The following KALRN variants were observed in gnomAD, a reference collection of about 807,000 sequenced individuals.
KALRN encodes the protein kalirin.
Under a neutral mutation model 353.7 loss-of-function variants are expected in KALRN, and 70 were observed. The ratio of observed to expected loss-of-function variants is 0.20; its 90% CI spans 0.16 to 0.24. The LOEUF (loss-of-function observed/expected upper bound fraction) is 0.24, where lower values mean the gene tolerates loss of function less well. KALRN is among the 10% of genes least tolerant of loss of function. The pLI is 1.00. For missense variants in KALRN, 2,791 were observed against 3,756.7 expected, an observed-to-expected ratio of 0.74 and a Z score of 6.72; for synonymous variants, 1,391 against 1,434.8, an observed-to-expected ratio of 0.97 and a Z score of 0.69.
intron 3 of KALRN, among the ~76,000 whole-genome samples, chr3:124,262,137 A>G (rs2148866751): frequency 6.6e-6 from 1 of 152,286 alleles, no homozygotes. Context: ...ATGTAAGTTG[A>G]CATACCTTTC....
intron 1 of KALRN, among the ~76,000 whole-genome samples, chr3:124,222,731 G>A (rs1412482689): frequency 1.3e-5 from 2 of 151,990 alleles, no homozygotes; most frequent in African/African-American, 4.8e-5. Flanking sequence ...CCTCCCGAGT[G>A]GCTGGGACTA....
At chr3:124,212,459 G>C (rs1362516311) in intron 1 of KALRN, among the ~76,000 whole-genome samples, 1 of 152,092 alleles carries the variant, frequency 6.6e-6, no homozygotes, top group Non-Finnish European at 1.5e-5. Flanking sequence ...AATACAAATT[G>C]TAATGGCTGA....
At chr3:124,417,793 A>C (rs544464837) in intron 14 of KALRN, among the ~76,000 whole-genome samples, 6 of 152,334 alleles carry the variant, frequency 3.9e-5, no homozygotes, top group African/African-American at 1.2e-4. Context: ...AATCCTTACC[A>C]CATAGGGTCA....
intron 1 of KALRN, among the ~76,000 whole-genome samples, chr3:124,170,954 T>A (rs1377852653): frequency 1.4e-5 from 2 of 145,184 alleles, no homozygotes; most frequent in African/African-American, 5.1e-5. Context: ...GCTGGGATTA[T>A]AAGTGTGTGC....
intron 6 of KALRN, among the ~76,000 whole-genome samples, chr3:124,325,206 A>G (rs569961370): frequency 1.3e-5 from 2 of 152,356 alleles, no homozygotes; most frequent in East Asian, 3.9e-4. Flanking sequence ...AACAAAACAC[A>G]AGATGACAGG....
At position 124,506,466 on chromosome 3, in the gene KALRN, T is replaced by C. The variant is rs149774460; in HGVS notation, c.4935+10053T>C. 2.6e-3 allele frequency among the ~76,000 whole-genome samples: 389 copies of C among 152,238 alleles called. 7 individuals carry two copies. In the East Asian group the frequency reaches 0.049, roughly 19 times the overall value. On this transcript the variant is annotated intron_variant, in intron 33 of 59. Transcript: ENST00000682506. ...TGTTCAGAATGTTCAGATAGTCTAA[T>C]TTTTTTTTCTTTAAGAATTCTAGTT...
At chr3:124,663,838 G>C (rs993991141) in intron 45 of KALRN, among the ~76,000 whole-genome samples, 1 of 152,002 alleles carries the variant, frequency 6.6e-6, no homozygotes, top group African/African-American at 2.4e-5. Context: ...AATAATTTAC[G>C]GGATAGTATA....
intron 7 of KALRN, among the ~76,000 whole-genome samples, chr3:124,329,211 G>T (rs1265245854): frequency 6.6e-6 from 1 of 152,194 alleles, no homozygotes; most frequent in Non-Finnish European, 1.5e-5. Context: ...TTTGATGTCT[G>T]TCAAGATCTA....
rs577028021 is a variant in KALRN, at chr3:124,100,788, C to T, written c.73+66975C>T. 9.2e-5 allele frequency among the ~76,000 whole-genome samples: 14 copies of T among 152,282 alleles called. No homozygotes were observed. The East Asian group carries it at 1.7e-3, about 19-fold the overall frequency. Reference sequence around the variant, plus strand: ...GAATCATCTGGGAACTCTTAGAAAGCGTAATGTCCAGTTCCTCTGTTTCAA... The same window carrying T: ...GAATCATCTGGGAACTCTTAGAAAGTGTAATGTCCAGTTCCTCTGTTTCAA... On this transcript the variant is annotated intron_variant, in intron 1 of 59. Transcript: ENST00000682506.
intron 26 of KALRN, 89 bp from the exon 27 acceptor site, chr3:124,477,156 C>A: frequency 1.2e-6 from 1 of 861,550 alleles, no homozygotes; most frequent in Non-Finnish European, 1.9e-6. Flanking sequence ...AGGGTCTTAA[C>A]TGTACAGCCC....
intron 33 of KALRN, among the ~76,000 whole-genome samples, chr3:124,555,829 G>A (rs1426157294): frequency 1.3e-5 from 2 of 152,124 alleles, no homozygotes; most frequent in African/African-American, 2.4e-5. Context: ...TGAGCAAGAC[G>A]GAATGCTCTG....
chr3:124,099,020 C>T (rs1228822060), intron 1 of KALRN, among the ~76,000 whole-genome samples: 2 of 152,106 alleles, frequency 1.3e-5, no homozygotes, highest in African/African-American at 2.4e-5. Context: ...TACGGGTACA[C>T]GTGATATTTT....
chr3:124,296,891 G>A (rs1221771528), intron 5 of KALRN, among the ~76,000 whole-genome samples: 1 of 152,188 alleles, frequency 6.6e-6, no homozygotes, highest in African/African-American at 2.4e-5. Flanking sequence ...AGCCTTCTCT[G>A]CTCTTCCCCA....
chr3:124,090,589 G>C (rs1415552043), intron 1 of KALRN, among the ~76,000 whole-genome samples: 1 of 152,174 alleles, frequency 6.6e-6, no homozygotes, highest in Non-Finnish European at 1.5e-5. Flanking sequence ...AGGCCCCTCT[G>C]CCTTCCAGGT....
chr3:124,418,499 AG>A (rs892549354), intron 14 of KALRN, among the ~76,000 whole-genome samples: 36 of 152,304 alleles, frequency 2.4e-4, no homozygotes, highest in African/African-American at 8.7e-4. Context: ...AGGAATGGAG[AG>A]GGGAGAAGAA....
rs370842819 is a variant in KALRN at position 124,601,253 on chromosome 3, T to C, written c.5183-31167T>C. Among the ~76,000 whole-genome samples, 20 of 152,332 alleles carry C rather than the reference T, an allele frequency of 1.3e-4. 1 individual carries two copies. The highest frequency in any genetic ancestry group is 5.9e-5 in the Non-Finnish European group (4 of 68,028). ...CTTAGGGTAGTTCCTGGCTACCTGG[T>C]ATATGGAATGCACTCAGTAAGTGTT... is the stretch of plus-strand genomic sequence containing the variant. On this transcript the variant is annotated intron_variant, in intron 34 of 59. Transcript: ENST00000682506.
intron 34 of KALRN, among the ~76,000 whole-genome samples, chr3:124,593,841 T>A (rs557895552): frequency 6.6e-6 from 1 of 152,180 alleles, no homozygotes; most frequent in Non-Finnish European, 1.5e-5. Flanking sequence ...TTTTATTTTG[T>A]TTTCCTCATT....
intron 50 of KALRN, 54 bp downstream of exon 50, chr3:124,678,367 C>T (rs934760798): frequency 8.2e-6 from 13 of 1,586,700 alleles, no homozygotes; most frequent in East Asian, 2.3e-5. Context: ...TCCCACCCTG[C>T]AGCATTCTCA....
At chr3:124,426,785 G>A (rs952948229) in intron 15 of KALRN, among the ~76,000 whole-genome samples, 1 of 152,110 alleles carries the variant, frequency 6.6e-6, no homozygotes, top group African/African-American at 2.4e-5. Flanking sequence ...TAGCTACCAG[G>A]AAAATTACTA....
Sources: gnomAD v4.1 joint callset for allele counts (sites outside exome capture counted in the v4.1 genomes callset) on GRCh38, gnomAD v4.1.1 for gene constraint, MANE v1.5 for transcripts, NCBI Gene and HGNC (gene_info 2026-07-23, HGNC 2026-07-21) for gene names.